Variants in ITCH observed in about 807,000 individuals in gnomAD.
The protein encoded by ITCH is itchy E3 ubiquitin protein ligase.
Under a neutral mutation model 126.8 loss-of-function variants are expected in ITCH, and 28 were observed. That is an observed-to-expected ratio of 0.22 (90% CI 0.16 to 0.30). ITCH has a LOEUF of 0.30. ITCH is among the 10% of genes least tolerant of loss of function. The probability of loss-of-function intolerance (pLI) is 1.00; values close to 1 mark genes in which losing one functional copy is unlikely to be tolerated. For missense variants in ITCH, 631 were observed against 1,032.4 expected (o/e 0.61, Z 5.33); for synonymous variants, 342 against 340.0 (o/e 1.01, Z -0.06).
chr20:34,399,467 G>GA (rs2038793916), intron 3 of ITCH, among the ~76,000 whole-genome samples: 2 of 152,086 alleles, frequency 1.3e-5, no homozygotes. Flanking sequence ...AACTGGTCAG[G>GA]AAAAAGAGAT....
chr20:34,412,695 A>G, intron 5 of ITCH, 56 bp downstream of exon 5: 1 of 1,440,456 alleles, frequency 6.9e-7, no homozygotes, highest in Non-Finnish European at 9.7e-7. Context: ...TCTGGAAGAA[A>G]TTTATATGTC....
At chr20:34,492,701 A>G (rs553825362) in intron 23 of ITCH, 104 bp downstream of exon 23, 1 of 793,384 alleles carries the variant, frequency 1.3e-6, no homozygotes, top group Admixed American at 1.8e-5. Context: ...AGGGATAGCC[A>G]TTTTCTTAAC....
At chr20:34,435,174 GTT>G (rs34960574) in intron 7 of ITCH, among the ~76,000 whole-genome samples, 1 of 145,118 alleles carries the variant, frequency 6.9e-6, no homozygotes, top group African/African-American at 2.5e-5. Context: ...TTGTTTTTGG[GTT>G]TTTTTTTTTT....
At chr20:34,420,202 T>C (rs992455949) in intron 6 of ITCH, among the ~76,000 whole-genome samples, 1 of 152,208 alleles carries the variant, frequency 6.6e-6, no homozygotes, top group African/African-American at 2.4e-5. Flanking sequence ...CTGTCTCTAG[T>C]TTCAGATCTT....
chr20:34,451,375 G>T (rs1985227097), intron 12 of ITCH, among the ~76,000 whole-genome samples: 1 of 151,976 alleles, frequency 6.6e-6, no homozygotes, highest in African/African-American at 2.4e-5. Flanking sequence ...TGGGAGGATC[G>T]CTTGAGCTTG....
chr20:34,499,639 A>G (rs1990125930), intron 23 of ITCH, among the ~76,000 whole-genome samples: 1 of 150,650 alleles, frequency 6.6e-6, no homozygotes, highest in African/African-American at 2.4e-5. Context: ...AAAAAAAACA[A>G]CTTTTCATTT....
chr20:34,468,712 A>G (rs1222129541), intron 14 of ITCH, among the ~76,000 whole-genome samples: 1 of 150,130 alleles, frequency 6.7e-6, no homozygotes, highest in Non-Finnish European at 1.5e-5. Flanking sequence ...AATCGCTTGA[A>G]CCTCTGGGTC....
chr20:34,472,405 T>A (rs967587357), intron 16 of ITCH, among the ~76,000 whole-genome samples: 4 of 148,770 alleles, frequency 2.7e-5, no homozygotes, highest in African/African-American at 9.9e-5. Flanking sequence ...AAACTTGAGT[T>A]AGTCTACTAT....
chr20:34,417,295 C>A, intron 6 of ITCH: 1 of 445,832 alleles, frequency 2.2e-6, no homozygotes, highest in Non-Finnish European at 4.1e-6. Context: ...CAGGGTTTCT[C>A]CGTGTTGGCC....
At chr20:34,440,582 T>TA (rs1380318365) in intron 9 of ITCH, among the ~76,000 whole-genome samples, 1 of 151,902 alleles carries the variant, frequency 6.6e-6, no homozygotes, top group Non-Finnish European at 1.5e-5. Context: ...TTAGCCTCCC[T>TA]AGTAGCTAGG....
At chr20:34,436,317 G>A (rs995137632) in intron 7 of ITCH, among the ~76,000 whole-genome samples, 20 of 152,200 alleles carry the variant, frequency 1.3e-4, no homozygotes, top group African/African-American at 4.8e-4. Context: ...TAACTCATCA[G>A]TAGCAGAGTC....
At chr20:34,487,998 T>C (rs561953531) in intron 20 of ITCH, among the ~76,000 whole-genome samples, 2 of 152,400 alleles carry the variant, frequency 1.3e-5, no homozygotes, top group South Asian at 4.1e-4. Flanking sequence ...TCCAGCTCTT[T>C]GTGGTGTTGT....
At chr20:34,505,348 C>G (rs998767422) in intron 24 of ITCH, among the ~76,000 whole-genome samples, 1 of 151,828 alleles carries the variant, frequency 6.6e-6, no homozygotes, top group African/African-American at 2.4e-5. Flanking sequence ...CTGGCCTGTT[C>G]AGTGATTTTA....
Position 34,480,670 on chromosome 20 carries a change from A to C in ITCH, c.1890A>C (p.Pro630=). The C allele has an allele frequency of 4.3e-6, 7 of 1,612,228 alleles. No homozygotes were observed. The highest frequency in any genetic ancestry group is 5.9e-6 in the Non-Finnish European group (7 of 1,178,326). The part of the protein sequence containing the change: ...LPFYKRILNK[P]VGLKDLESID... ...TCTATAAGCGTATCTTGAACAAACC[A>C]GTTGGACTCAAGGATTTAGAATCTA... is the stretch of plus-strand genomic sequence containing the variant. The change falls in exon 19 of 25, where the codon CCA becomes CCC. Residue 630 remains proline (P), a synonymous_variant. Coordinates refer to ENST00000374864, the MANE Select transcript of ITCH (RefSeq NM_031483.7).
intron 9 of ITCH, 173 bp from the exon 10 acceptor site, chr20:34,442,035 G>A (rs537173401): frequency 3.1e-6 from 2 of 649,116 alleles, no homozygotes; most frequent in South Asian, 3.4e-5. Flanking sequence ...GCCACTGCCT[G>A]AAGATTACAT....
chr20:34,487,485 T>C (rs1419500050), intron 20 of ITCH, among the ~76,000 whole-genome samples: 1 of 152,236 alleles, frequency 6.6e-6, no homozygotes, highest in Non-Finnish European at 1.5e-5. Flanking sequence ...TTGTTCTTTC[T>C]TGCCTTCTTT....
In ITCH at chr20:34,438,730, G is replaced by A. The variant is rs550947608; in HGVS notation, c.679+99G>A. Reference sequence around the variant, plus strand: ...AAATTCTTTTAGGTGAATTTTCTGCGTGTATTTTTACATTTAAGATTTTGG... The same window carrying A: ...AAATTCTTTTAGGTGAATTTTCTGCATGTATTTTTACATTTAAGATTTTGG... On this transcript the variant is annotated intron_variant, in intron 8 of 24. Coordinates refer to ENST00000374864, the MANE Select transcript of ITCH (RefSeq NM_031483.7). 302 of 1,410,106 alleles carry A rather than the reference G, an allele frequency of 2.1e-4. No homozygotes were observed. In the East Asian group the frequency reaches 5.9e-3, roughly 27 times the overall value. The allele number at this position is 1,410,106 out of a possible 1,614,324, so 87.3% of individuals were successfully genotyped here. A position where few individuals can be genotyped will look rare whatever the true frequency, so the allele number is the denominator to read the frequency against.
chr20:34,453,926 C>T (rs1230039946), intron 12 of ITCH, among the ~76,000 whole-genome samples: 1 of 151,308 alleles, frequency 6.6e-6, no homozygotes, highest in African/African-American at 2.4e-5. Context: ...CCTGAGAGGT[C>T]GAGGCTGCAG....
intron 6 of ITCH, among the ~76,000 whole-genome samples, chr20:34,415,691 A>G (rs969478356): frequency 5.9e-5 from 9 of 152,238 alleles, no homozygotes; most frequent in African/African-American, 1.9e-4. Context: ...CAAGAACTCT[A>G]TAATAGTCAC....
Sources: gnomAD v4.1 joint callset for allele counts (sites outside exome capture counted in the v4.1 genomes callset) on GRCh38, gnomAD v4.1.1 for gene constraint, MANE v1.5 for transcripts, NCBI Gene and HGNC (gene_info 2026-07-23, HGNC 2026-07-21) for gene names.